PCDHGA9: variants seen among roughly 807,000 people sequenced by gnomAD.
PCDHGA9 encodes protocadherin gamma-A9.
A neutral mutation model predicts 62.5 loss-of-function variants in PCDHGA9; 37 were observed. The ratio of observed to expected loss-of-function variants is 0.59; its 90% CI spans 0.46 to 0.78. The LOEUF (loss-of-function observed/expected upper bound fraction) is 0.78, where lower values mean the gene tolerates loss of function less well. Among genes scored for constraint, PCDHGA9 ranks in the 30% least tolerant of loss-of-function variants. The pLI is 0.00. For synonymous variants in PCDHGA9, 459 were observed against 484.6 expected (o/e 0.95, Z 0.69); for missense variants, 1,138 against 1,166.2 (o/e 0.98, Z 0.35).
At chr5:141,435,026 C>T (rs977017371) in intron 1 of PCDHGA9, among the ~76,000 whole-genome samples, 1 of 151,978 alleles carries the variant, frequency 6.6e-6, no homozygotes, top group Non-Finnish European at 1.5e-5. Flanking sequence ...GCTCTTTTCC[C>T]ACTTTTATTT....
rs1417059875 is a variant in PCDHGA9 at position 141,496,499 on chromosome 5, G to C, written c.2483+1634G>C. 2.6e-5 allele frequency among the ~76,000 whole-genome samples: 4 copies of C among 152,102 alleles called. No individual in the cohort carries two copies. In the East Asian group the frequency reaches 7.7e-4, roughly 29 times the overall value. On this transcript the variant is annotated intron_variant, in intron 2 of 3. Coordinates refer to ENST00000573521, the MANE Select transcript of PCDHGA9 (RefSeq NM_018921.3). ...TCCTGCAACCAACCAAACCCTTGTT[G>C]CCACAAGGACCCAGGAGCCCTTGGT...
In PCDHGA9 at chr5:141,476,182, G is replaced by A. The variant is rs369561139; in HGVS notation, c.2425-18625G>A. On this transcript the variant is annotated intron_variant, in intron 1 of 3. Coordinates refer to ENST00000573521, the MANE Select transcript of PCDHGA9 (RefSeq NM_018921.3). This position sits in a 1 kb window ranked among gnomAD's most constrained non-coding sequence, Gnocchi z 7.6. ...GGAGGGTAGTGGGAGTTTTGCTTCT[G>A]CTTGGTGCCTTGAACAAGGCTTCCA... 5 of 1,613,554 alleles carry A rather than the reference G, an allele frequency of 3.1e-6. No homozygotes were observed. Among genetic ancestry groups the A allele is most frequent in the Admixed American group, 1.7e-5 (1 of 59,996 alleles).
chr5:141,469,510 G>T (rs1022804863), intron 1 of PCDHGA9, among the ~76,000 whole-genome samples: 3 of 152,118 alleles, frequency 2.0e-5, no homozygotes, highest in African/African-American at 7.2e-5. Context: ...GGGAGGTGGA[G>T]GTTGCAGTGA....
intron 1 of PCDHGA9, chr5:141,423,382 C>A (rs1244632347): frequency 6.2e-7 from 1 of 1,614,118 alleles, no homozygotes; most frequent in Admixed American, 1.7e-5. Context: ...CAGGCTGTGG[C>A]GCTGGCATAA....
rs200356364 is a variant in PCDHGA9, at chr5:141,470,128, C to CA, written c.2425-24670dup. On this transcript the variant is annotated intron_variant, in intron 1 of 3. Transcript: ENST00000573521. ...TGAGCAACAGAGCAAGACTTCGTCT[C>CA]AAAAAAAAAGATCATAGATCATCTT... 4.0e-3 allele frequency among the ~76,000 whole-genome samples: 596 copies of CA among 150,150 alleles called. 6 individuals are homozygous for CA. The highest frequency in any genetic ancestry group is 0.011 in the Admixed American group (171 of 15,136).
chr5:141,490,906 G>A lies in PCDHGA9; in HGVS notation c.2425-3901G>A, dbSNP rs2099705910. 1 of 1,613,798 alleles carries A rather than the reference G, an allele frequency of 6.2e-7. No individual in the cohort carries two copies. Among genetic ancestry groups the A allele is most frequent in the Non-Finnish European group, 8.5e-7 (1 of 1,179,808 alleles). ...CACATCTCTGCATGTGTTTGTCCTA[G>A]ACGAGAATGATAATGCCCCAGCTGT... On this transcript the variant is annotated intron_variant, in intron 1 of 3. Coordinates refer to ENST00000573521, the MANE Select transcript of PCDHGA9 (RefSeq NM_018921.3). The surrounding 1 kb of genome is among the most constrained non-coding windows in gnomAD (Gnocchi z 5.4).
rs371964437 is a variant in PCDHGA9, at chr5:141,511,404, C to T, written c.*231C>T. On this transcript the variant is annotated 3_prime_UTR_variant, in exon 4 of 4. Coordinates refer to ENST00000573521, the MANE Select transcript of PCDHGA9 (RefSeq NM_018921.3). ...CCGCTGGGAACCCCCATCCAATCAA[C>T]TGCTGTACCCATGGGGGTAGTGGGG... The T allele has an allele frequency of 7.7e-5, 73 of 947,014 alleles. No individual in the cohort carries two copies. In the East Asian group the frequency reaches 1.8e-3, roughly 23 times the overall value. The allele number at this position is 947,014 out of a possible 1,614,324, so 58.7% of individuals were successfully genotyped here.
intron 1 of PCDHGA9, among the ~76,000 whole-genome samples, chr5:141,470,845 G>T (rs1381257094): frequency 1.3e-5 from 2 of 151,972 alleles, no homozygotes; most frequent in African/African-American, 4.8e-5. Flanking sequence ...ACGCCACCAT[G>T]CTCAGATAAG....
chr5:141,496,192 C>T (rs942276204), intron 2 of PCDHGA9, among the ~76,000 whole-genome samples: 1 of 152,098 alleles, frequency 6.6e-6, no homozygotes, highest in Non-Finnish European at 1.5e-5. Flanking sequence ...CCCAGCTGCT[C>T]ATTTCAATCT....
chr5:141,419,754 T>C, intron 1 of PCDHGA9: 1 of 1,613,924 alleles, frequency 6.2e-7, no homozygotes. Flanking sequence ...GTGCGTGCTT[T>C]GGGTGACAAG....
In PCDHGA9 at chr5:141,403,373, A is replaced by C; in HGVS notation, c.421A>C (p.Lys141Gln). ...GTTCCAGGCCGAAAGTCTGGAAGTAAAAATTAACGAAATCGCGGTTCCTGG... is the reference window on the plus strand; with the variant it reads ...GTTCCAGGCCGAAAGTCTGGAAGTACAAATTAACGAAATCGCGGTTCCTGG... ...PKFQAESLEV[K>Q]INEIAVPGAR... Residue 141 changes from lysine to glutamine, a missense_variant, in exon 1 of 4, where the codon AAA becomes CAA. Transcript: ENST00000573521. The C allele has an allele frequency of 6.2e-7, 1 of 1,614,074 alleles. No individual in the cohort carries two copies. The highest frequency in any genetic ancestry group is 8.5e-7 in the Non-Finnish European group (1 of 1,179,902).
At chr5:141,423,940 G>T in intron 1 of PCDHGA9, 1 of 1,217,216 alleles carries the variant, frequency 8.2e-7, no homozygotes, top group Non-Finnish European at 1.0e-6. Context: ...TTTGAAGTAA[G>T]TTGAATTTTA....
At position 141,402,872 on chromosome 5, in the gene PCDHGA9, T is replaced by A; in HGVS notation, c.-81T>A. ...CTTTCTTCTAAGGAAAAGATCACCATACTTTGCAGGGTGGAAGAAAGAACC... is the reference window on the plus strand; with the variant it reads ...CTTTCTTCTAAGGAAAAGATCACCAAACTTTGCAGGGTGGAAGAAAGAACC... On this transcript the variant is annotated 5_prime_UTR_variant, in exon 1 of 4. Coordinates refer to ENST00000573521, the MANE Select transcript of PCDHGA9 (RefSeq NM_018921.3). 1 of 1,455,372 alleles carries A rather than the reference T, an allele frequency of 6.9e-7. No individual in the cohort carries two copies. The highest frequency in any genetic ancestry group is 9.1e-7 in the Non-Finnish European group (1 of 1,103,046). 90.2% of individuals were successfully genotyped at this position (1,455,372 alleles called of 1,614,324 possible).
At chr5:141,427,192 A>T (rs1191677237) in intron 1 of PCDHGA9, 1 of 456,566 alleles carries the variant, frequency 2.2e-6, no homozygotes. Context: ...AAATCCAAAG[A>T]CTTAATAGAC....
intron 3 of PCDHGA9, among the ~76,000 whole-genome samples, chr5:141,510,468 A>G (rs1246106107): frequency 2.0e-5 from 3 of 152,152 alleles, no homozygotes; most frequent in Admixed American, 2.0e-4. Flanking sequence ...TGTGGGAGTC[A>G]GAGGCTCCCT....
Position 141,485,730 on chromosome 5 carries a change from G to A in PCDHGA9, c.2425-9077G>A. On this transcript the variant is annotated intron_variant, in intron 1 of 3. Coordinates refer to ENST00000573521, the MANE Select transcript of PCDHGA9 (RefSeq NM_018921.3). This position sits in a 1 kb window ranked among gnomAD's most constrained non-coding sequence, Gnocchi z 5.7. ...TTTGCACTGGATGTGAAGAAGCGCA[G>A]CGACGGCAGCCTGGTCCCAGAGCTG... is the stretch of plus-strand genomic sequence containing the variant. 1 of 1,614,200 alleles carries A rather than the reference G, an allele frequency of 6.2e-7. No individual in the cohort carries two copies. Among genetic ancestry groups the A allele is most frequent in the Non-Finnish European group, 8.5e-7 (1 of 1,180,024 alleles).
At chr5:141,484,352 T>A (rs112226980) in intron 1 of PCDHGA9, among the ~76,000 whole-genome samples, 8,127 of 152,270 alleles carry the variant, frequency 0.053, 445 homozygotes, top group African/African-American at 0.15. Context: ...TAATTTAGTG[T>A]ATCTAGTGTA....
chr5:141,487,695 C>T lies in PCDHGA9; in HGVS notation c.2425-7112C>T, dbSNP rs1345224043. The stretch of plus-strand genomic sequence containing the variant: ...TGGCTAGGCCATGTCCTAGAGAGTA[C>T]TGGCCTCTCAGTAAGTGCCCATAGT... On this transcript the variant is annotated intron_variant, in intron 1 of 3. Coordinates refer to ENST00000573521, the MANE Select transcript of PCDHGA9 (RefSeq NM_018921.3). The surrounding 1 kb of genome is among the most constrained non-coding windows in gnomAD (Gnocchi z 5.0). 2 of 1,601,306 alleles carry T rather than the reference C, an allele frequency of 1.2e-6. No individual in the cohort carries two copies. Among genetic ancestry groups the T allele is most frequent in the East Asian group, 2.2e-5 (1 of 44,606 alleles).
At chr5:141,502,768 T>C (rs1389860952) in intron 2 of PCDHGA9, among the ~76,000 whole-genome samples, 1 of 152,154 alleles carries the variant, frequency 6.6e-6, no homozygotes, top group East Asian at 1.9e-4. Context: ...GCTGGTATTC[T>C]TCTGAAAATT....
Sources: gnomAD v4.1 joint callset for allele counts (sites outside exome capture counted in the v4.1 genomes callset) on GRCh38, gnomAD v4.1.1 for gene constraint, Gnocchi (gnomAD v3.1) non-coding constraint, MANE v1.5 for transcripts, NCBI Gene and HGNC (gene_info 2026-07-23, HGNC 2026-07-21) for gene names.